Variants in SPP2 observed in about 807,000 individuals in gnomAD.
The protein encoded by SPP2 is secreted phosphoprotein 24.
Under a neutral mutation model 28.8 loss-of-function variants are expected in SPP2, and 34 were observed. The observed-to-expected ratio is 1.18, with a 90% CI of 0.90 to 1.57. SPP2 has a LOEUF of 1.57. Among genes scored for constraint, SPP2 ranks in the 40% most tolerant of loss-of-function variants. The pLI is 0.00. For synonymous variants in SPP2, 96 were observed against 89.4 expected (o/e 1.07, Z -0.42); for missense variants, 269 against 263.9 (o/e 1.02, Z -0.13).
chr2:234,062,446 A>C (rs1448373603), intron 4 of SPP2, among the ~76,000 whole-genome samples: 1 of 152,144 alleles, frequency 6.6e-6, no homozygotes, highest in African/African-American at 2.4e-5. Flanking sequence ...AAACATGGGG[A>C]GAGAGGCACA....
At position 234,061,015 on chromosome 2, in the gene SPP2, T is replaced by G. The variant is rs373879726; in HGVS notation, c.444+536T>G. On this transcript the variant is annotated intron_variant, in intron 4 of 7. Transcript: ENST00000168148. Reference sequence around the variant, plus strand: ...ATCCATGGCTTCTTCATCTGTTAAATGCTAGCAGTCATAAAGACCACCTTA... The same window carrying G: ...ATCCATGGCTTCTTCATCTGTTAAAGGCTAGCAGTCATAAAGACCACCTTA... 2.0e-4 allele frequency among the ~76,000 whole-genome samples: 31 copies of G among 152,282 alleles called. 1 individual carries two copies. The South Asian group carries it at 6.4e-3, about 32-fold the overall frequency.
chr2:234,069,186 GAGAGAA>G (rs1009594208), intron 6 of SPP2, among the ~76,000 whole-genome samples: 3 of 116,718 alleles, frequency 2.6e-5, no homozygotes, highest in African/African-American at 9.4e-5. Flanking sequence ...ATGATTATTT[GAGAGAA>G]AGAGAGAGAG....
In SPP2 at chr2:234,063,898, T is replaced by C. The variant is rs75136666; in HGVS notation, c.445-2635T>C. Among the ~76,000 whole-genome samples the C allele has an allele frequency of 3.5e-3, 539 of 152,298 alleles. 5 individuals carry two copies. Among genetic ancestry groups the C allele is most frequent in the African/African-American group, 0.013 (520 of 41,570 alleles). The stretch of plus-strand genomic sequence containing the variant: ...AAGAATGATGACAGGAATTCTGAGC[T>C]TACGGGAGGGGTGACGGGCATTTAA... On this transcript the variant is annotated intron_variant, in intron 4 of 7. Transcript: ENST00000168148.
chr2:234,054,185 T>G (rs1574821964), intron 2 of SPP2, among the ~76,000 whole-genome samples: 1 of 150,536 alleles, frequency 6.6e-6, no homozygotes, highest in African/African-American at 2.4e-5. Context: ...AGTGGGAGGG[T>G]CCTGAAGGAC....
At chr2:234,060,570 T>TCATC in intron 4 of SPP2, 91 bp downstream of exon 4, 2 of 1,001,644 alleles carry the variant, frequency 2.0e-6, no homozygotes, top group Non-Finnish European at 1.5e-6. Flanking sequence ...GGTAGCTGGA[T>TCATC]CATCACCTGG....
At chr2:234,061,121 C>G (rs535287278) in intron 4 of SPP2, among the ~76,000 whole-genome samples, 5 of 152,134 alleles carry the variant, frequency 3.3e-5, no homozygotes, top group South Asian at 2.1e-4. Flanking sequence ...ATGGCAGGAC[C>G]CTTATTTTTC....
intron 2 of SPP2, among the ~76,000 whole-genome samples, chr2:234,052,351 G>A (rs1026590324): frequency 8.6e-5 from 13 of 151,996 alleles, no homozygotes; most frequent in South Asian, 4.2e-4. Flanking sequence ...GTGTGGAATC[G>A]GGGTCTTTTT....
In SPP2 at chr2:234,051,174, A is replaced by G. The variant is rs1693489716; in HGVS notation, c.210+79A>G. On this transcript the variant is annotated intron_variant, in intron 2 of 7. Coordinates refer to ENST00000168148, the MANE Select transcript of SPP2 (RefSeq NM_006944.3). ...TGTCAGTTCATTGGATATACTTTTA[A>G]GAAATTTTCTCCAGTTTAAAAATGA... 3.2e-6 allele frequency: 5 copies of G among 1,543,060 alleles called. No individual in the cohort carries two copies. In the South Asian group the frequency reaches 6.0e-5, roughly 19 times the overall value.
At chr2:234,066,956 T>A (rs1338450086) in intron 5 of SPP2, among the ~76,000 whole-genome samples, 2 of 152,200 alleles carry the variant, frequency 1.3e-5, no homozygotes, top group African/African-American at 2.4e-5. Context: ...TACAACTAGA[T>A]CTGATCATCT....
intron 7 of SPP2, among the ~76,000 whole-genome samples, chr2:234,073,796 C>G (rs925585247): frequency 4.6e-5 from 7 of 152,130 alleles, no homozygotes; most frequent in Non-Finnish European, 8.8e-5. Context: ...GTGTGAAGTT[C>G]CTAAACTATG....
chr2:234,072,313 G>T (rs949558807), intron 7 of SPP2, among the ~76,000 whole-genome samples: 1 of 152,062 alleles, frequency 6.6e-6, no homozygotes, highest in African/African-American at 2.4e-5. Context: ...ATAAAAACCA[G>T]CTCCATACTG....
At chr2:234,073,006 G>C (rs564766853) in intron 7 of SPP2, among the ~76,000 whole-genome samples, 19 of 152,274 alleles carry the variant, frequency 1.2e-4, no homozygotes, top group Non-Finnish European at 2.8e-4. Context: ...TCCTGCCTCA[G>C]CCTCGTGAGT....
At chr2:234,059,411 C>T (rs1238171139) in intron 3 of SPP2, among the ~76,000 whole-genome samples, 1 of 152,126 alleles carries the variant, frequency 6.6e-6, no homozygotes. Context: ...TGTTCGCTTT[C>T]GTGTCTCTCA....
chr2:234,066,455 T>G, intron 4 of SPP2, 78 bp from the exon 5 acceptor site: 8 of 1,162,154 alleles, frequency 6.9e-6, no homozygotes, highest in Non-Finnish European at 1.0e-5. Context: ...GTCTTCCAGA[T>G]GACATTTACA....
At position 234,069,994 on chromosome 2, in the gene SPP2, T is replaced by C; in HGVS notation, c.617T>C (p.Ile206Thr). The C allele has an allele frequency of 6.2e-7, 1 of 1,613,532 alleles. No homozygotes were observed. Among genetic ancestry groups the C allele is most frequent in the Middle Eastern group, 1.7e-4 (1 of 6,054 alleles). Residue 206 changes from isoleucine to threonine, a missense_variant, in exon 7 of 8, where the codon ATA (isoleucine) becomes ACA (threonine). Ile to Thr is a moderately conservative substitution (Grantham distance 89). Coordinates refer to ENST00000168148, the MANE Select transcript of SPP2 (RefSeq NM_006944.3). ...CCAAACCACCGGCACAGAGCAAGAA[T>C]AAATACTGACTTTGAGTAACGGCCT... is the stretch of plus-strand genomic sequence containing the variant. ...RYPNHRHRAR[I>T]NTDFE
intron 4 of SPP2, among the ~76,000 whole-genome samples, chr2:234,061,629 G>A (rs1371728207): frequency 6.6e-6 from 1 of 152,044 alleles, no homozygotes; most frequent in Non-Finnish European, 1.5e-5. Context: ...ACACATAAAA[G>A]TTAATTTTCC....
intron 6 of SPP2, among the ~76,000 whole-genome samples, chr2:234,067,777 CAAAAAAAAAAAAAAAAAAAA>C (rs56184185): frequency 1.6e-5 from 1 of 63,486 alleles, no homozygotes; most frequent in Non-Finnish European, 2.7e-5. Flanking sequence ...GACTCCGTCT[CAAAAAAAAAAAAAAAAAAAA>C]AAAAAAAAAA....
intron 7 of SPP2, among the ~76,000 whole-genome samples, chr2:234,074,822 C>T (rs1690863651): frequency 6.6e-6 from 1 of 152,130 alleles, no homozygotes; most frequent in African/African-American, 2.4e-5. Context: ...ACTGTTGACT[C>T]ATTAACAATG....
chr2:234,053,590 C>T (rs552197245), intron 2 of SPP2, among the ~76,000 whole-genome samples: 93 of 151,654 alleles, frequency 6.1e-4, no homozygotes, highest in African/African-American at 2.0e-3. Flanking sequence ...TTCTAATGTG[C>T]GGTCTCGGTG....
Sources: gnomAD v4.1 joint callset for allele counts (sites outside exome capture counted in the v4.1 genomes callset) on GRCh38, gnomAD v4.1.1 for gene constraint, MANE v1.5 for transcripts, NCBI Gene and HGNC (gene_info 2026-07-23, HGNC 2026-07-21) for gene names.